The following ANKFN1 variants were observed in gnomAD, a reference collection of about 807,000 sequenced individuals.
ANKFN1 encodes ankyrin repeat and fibronectin type III domain containing 1, also known as ankyrin repeat and fibronectin type-III domain-containing protein 1.
ANKFN1 carries 74 observed loss-of-function variants against 108.7 expected under a neutral mutation model. That is an observed-to-expected ratio of 0.68 (90% CI 0.56 to 0.83). The LOEUF (loss-of-function observed/expected upper bound fraction) is 0.83, where lower values mean the gene tolerates loss of function less well. ANKFN1 is among the 40% of genes least tolerant of loss of function. ANKFN1 has a pLI of 0.00. For missense variants in ANKFN1, 1,505 were observed against 1,382.3 expected, an observed-to-expected ratio of 1.09 and a Z score of -1.41; for synonymous variants, 547 against 516.2, an observed-to-expected ratio of 1.06 and a Z score of -0.81.
intron 4 of ANKFN1, among the ~76,000 whole-genome samples, chr17:56,141,812 A>C (rs1907934191): frequency 6.6e-6 from 1 of 152,086 alleles, no homozygotes; most frequent in African/African-American, 2.4e-5. Flanking sequence ...CCACAAATTC[A>C]TGAACTGTTT....
intron 3 of ANKFN1, among the ~76,000 whole-genome samples, chr17:56,271,419 A>T (rs957016367): frequency 6.6e-6 from 1 of 152,216 alleles, no homozygotes; most frequent in African/African-American, 2.4e-5. Flanking sequence ...ACAGGGAAGT[A>T]GCTCAATATT....
chr17:56,499,052 A>G lies in ANKFN1; in HGVS notation c.2598A>G (p.Pro866=), dbSNP rs1021385902. 3 of 1,535,712 alleles carry G rather than the reference A, an allele frequency of 2.0e-6. No homozygotes were observed. Among genetic ancestry groups the G allele is most frequent in the Admixed American group, 3.9e-5 (2 of 50,980 alleles). Residue 866 remains proline (P), a synonymous_variant, in exon 20 of 21, where the codon CCA becomes CCG. Coordinates refer to ENST00000682825, the MANE Select transcript of ANKFN1 (RefSeq NM_001370326.1). ...STSSSHIDCL[P]SPPPSPEMHR... is the part of the protein sequence containing the mutation. ...CATCATCACATATAGACTGTCTTCC[A>G]TCCCCACCCCCATCCCCAGAGATGC... is the stretch of plus-strand genomic sequence containing the variant.
At chr17:56,106,625 T>A (rs1422848819) in intron 4 of ANKFN1, among the ~76,000 whole-genome samples, 1 of 152,210 alleles carries the variant, frequency 6.6e-6, no homozygotes, top group Non-Finnish European at 1.5e-5. Flanking sequence ...AGAACTGTCA[T>A]AATTTAATCA....
At position 56,499,013 on chromosome 17, in the gene ANKFN1, G is replaced by C. The variant is rs2051287204; in HGVS notation, c.2559G>C (p.Lys853Asn). Residue 853 changes from lysine (K) to asparagine (N), a missense_variant, in exon 20 of 21, where the codon AAG becomes AAC. Physicochemically the swap from Lys to Asn is moderately conservative, Grantham distance 94. Transcript: ENST00000682825. The part of the protein sequence containing the change: ...IDPSDEQSLK[K>N]INSTSSSHID... ...CCTCAGATGAGCAGAGCCTAAAGAA[G>C]ATCAATTCTACATCATCATCACATA... The C allele has an allele frequency of 6.5e-7, 1 of 1,535,716 alleles. No individual in the cohort carries two copies. Among genetic ancestry groups the C allele is most frequent in the Non-Finnish European group, 8.7e-7 (1 of 1,146,656 alleles).
chr17:56,235,530 A>G (rs1183310915), intron 3 of ANKFN1, among the ~76,000 whole-genome samples: 1 of 152,128 alleles, frequency 6.6e-6, no homozygotes, highest in Non-Finnish European at 1.5e-5. Context: ...TGATTTTTGT[A>G]CATGGTGTAA....
chr17:56,134,059 G>A (rs1390286436), intron 4 of ANKFN1, among the ~76,000 whole-genome samples: 1 of 152,160 alleles, frequency 6.6e-6, no homozygotes. Context: ...TATATGGGCT[G>A]TAAATTGTGG....
intron 5 of ANKFN1, 49 bp downstream of exon 5, chr17:56,351,016 G>A: frequency 6.4e-7 from 1 of 1,574,034 alleles, no homozygotes; most frequent in Non-Finnish European, 8.7e-7. Flanking sequence ...ATTCATTTAT[G>A]TTTGGGTTTA....
At chr17:56,361,193 A>G (rs982727582) in intron 6 of ANKFN1, among the ~76,000 whole-genome samples, 21 of 152,110 alleles carry the variant, frequency 1.4e-4, no homozygotes, top group African/African-American at 4.8e-4. Flanking sequence ...TTAAATATAC[A>G]TGCAACATAG....
At chr17:56,122,704 G>A (rs1023041275) in intron 4 of ANKFN1, among the ~76,000 whole-genome samples, 9 of 152,142 alleles carry the variant, frequency 5.9e-5, no homozygotes, top group Non-Finnish European at 1.3e-4. Flanking sequence ...GAAAGAAAGA[G>A]AAAGAAAATC....
chr17:56,131,286 A>G (rs1907264879), intron 4 of ANKFN1, among the ~76,000 whole-genome samples: 2 of 152,206 alleles, frequency 1.3e-5, no homozygotes, highest in Admixed American at 6.5e-5. Context: ...CTGTATCTGT[A>G]TAGCCTCAAT....
intron 4 of ANKFN1, among the ~76,000 whole-genome samples, chr17:56,146,633 C>T (rs1908275919): frequency 6.6e-6 from 1 of 152,186 alleles, no homozygotes. Context: ...GTGCATTGGC[C>T]CCTTTTAGCT....
chr17:56,341,028 T>C, intron 4 of ANKFN1, among the ~76,000 whole-genome samples: 1 of 152,012 alleles, frequency 6.6e-6, no homozygotes, highest in East Asian at 1.9e-4. Flanking sequence ...CCCCCCTAGT[T>C]AGCAGAATTC....
chr17:56,388,453 T>C (rs899948134), intron 8 of ANKFN1, among the ~76,000 whole-genome samples: 11 of 152,196 alleles, frequency 7.2e-5, no homozygotes, highest in Non-Finnish European at 2.9e-5. Context: ...GATTTATCAA[T>C]ATCTGTGCAA....
chr17:56,441,132 C>T (rs1174357965), intron 9 of ANKFN1, among the ~76,000 whole-genome samples: 1 of 152,064 alleles, frequency 6.6e-6, no homozygotes, highest in Non-Finnish European at 1.5e-5. Flanking sequence ...CCCTGTATTT[C>T]CTCAAGCAAT....
chr17:56,362,126 A>G (rs1567944228), intron 6 of ANKFN1, among the ~76,000 whole-genome samples: 1 of 152,212 alleles, frequency 6.6e-6, no homozygotes, highest in Non-Finnish European at 1.5e-5. Flanking sequence ...TAAGTGGAAT[A>G]ATACCATTAA....
At chr17:56,178,256 G>A (rs1237162172) in intron 1 of ANKFN1, among the ~76,000 whole-genome samples, 2 of 152,146 alleles carry the variant, frequency 1.3e-5, no homozygotes, top group African/African-American at 4.8e-5. Flanking sequence ...ATGACTTGAG[G>A]GCACCAAGAG....
chr17:56,430,288 TCTC>T (rs1404452182), intron 8 of ANKFN1, among the ~76,000 whole-genome samples: 1 of 151,970 alleles, frequency 6.6e-6, no homozygotes, highest in Non-Finnish European at 1.5e-5. Flanking sequence ...GTGCATGACT[TCTC>T]CTATATGTGG....
intron 8 of ANKFN1, among the ~76,000 whole-genome samples, chr17:56,384,969 C>T (rs1449838624): frequency 6.6e-6 from 1 of 151,668 alleles, no homozygotes; most frequent in African/African-American, 2.4e-5. Flanking sequence ...GAAAAAACTA[C>T]TTTAAAGTTC....
chr17:56,105,711 C>CTGCCTGTGTG (rs1905737077), intron 4 of ANKFN1, among the ~76,000 whole-genome samples: 1 of 144,544 alleles, frequency 6.9e-6, no homozygotes, highest in African/African-American at 2.6e-5. Context: ...GTTTTTTTGT[C>CTGCCTGTGTG]TGTGTGTGTG....
Sources: allele counts gnomAD v4.1 joint callset (sites outside exome capture counted in the v4.1 genomes callset), GRCh38; gene constraint gnomAD v4.1.1; transcripts MANE v1.5; gene names NCBI Gene and HGNC (gene_info 2026-07-23, HGNC 2026-07-21).